ERO1A: variants seen among roughly 807,000 people sequenced by gnomAD.
The protein encoded by ERO1A is endoplasmic reticulum oxidoreductase 1 alpha.
ERO1A carries 49 observed loss-of-function variants against 76.9 expected under a neutral mutation model. The ratio of observed to expected loss-of-function variants is 0.64; its 90% CI spans 0.51 to 0.81. The LOEUF (loss-of-function observed/expected upper bound fraction) is 0.81. Ranked by LOEUF, ERO1A falls within the 30% of genes least tolerant of loss-of-function variation. ERO1A has a pLI of 0.00. For missense variants in ERO1A, 448 were observed against 542.1 expected (o/e 0.83, Z 1.72); for synonymous variants, 174 against 181.2 (o/e 0.96, Z 0.32).
intron 4 of ERO1A, chr14:52,678,222 C>G (rs989741989): frequency 5.5e-6 from 2 of 366,260 alleles, no homozygotes; most frequent in Admixed American, 8.6e-5. Flanking sequence ...CAAGATCACG[C>G]CACTGCTCCA....
At chr14:52,685,205 T>C (rs906757501) in intron 1 of ERO1A, among the ~76,000 whole-genome samples, 10 of 152,168 alleles carry the variant, frequency 6.6e-5, no homozygotes, top group Admixed American at 6.5e-4. Flanking sequence ...ATTTTTCACC[T>C]AAAAGAAATA....
At chr14:52,664,436 C>T (rs896165393) in intron 7 of ERO1A, among the ~76,000 whole-genome samples, 4 of 151,964 alleles carry the variant, frequency 2.6e-5, no homozygotes, top group South Asian at 4.2e-4. Flanking sequence ...AATAAATACG[C>T]GTTAGTATTA....
intron 1 of ERO1A, among the ~76,000 whole-genome samples, chr14:52,685,292 A>G (rs996037765): frequency 1.3e-5 from 2 of 152,162 alleles, no homozygotes; most frequent in Admixed American, 1.3e-4. Context: ...GTTTTGGACT[A>G]ATTCAGTTTC....
intron 13 of ERO1A, chr14:52,647,117 A>G (rs1250089191): frequency 4.9e-5 from 7 of 143,910 alleles, no homozygotes; most frequent in African/African-American, 2.0e-4. Context: ...CCGGGACTAC[A>G]GGCACCTGCC....
At chr14:52,655,757 G>A (rs1406506623) in intron 11 of ERO1A, among the ~76,000 whole-genome samples, 1 of 151,518 alleles carries the variant, frequency 6.6e-6, no homozygotes, top group Non-Finnish European at 1.5e-5. Flanking sequence ...TGAAGATCAT[G>A]GCAACTTTTA....
At chr14:52,683,955 CAG>C in intron 1 of ERO1A, 48 bp from the exon 2 acceptor site, 1 of 1,476,746 alleles carries the variant, frequency 6.8e-7, no homozygotes, top group Non-Finnish European at 9.1e-7. Context: ...CTAAATGCAA[CAG>C]GGTTCTTTTT....
intron 4 of ERO1A, 187 bp from the exon 5 acceptor site, chr14:52,672,058 ACTGTGGGAGCC>A: frequency 2.1e-6 from 1 of 473,482 alleles, no homozygotes; most frequent in Non-Finnish European, 3.7e-6. Context: ...TAATCCCGGC[ACTGTGGGAGCC>A]CGAGGCAGGT....
intron 11 of ERO1A, among the ~76,000 whole-genome samples, chr14:52,656,428 A>T (rs2139660090): frequency 6.6e-6 from 1 of 152,284 alleles, no homozygotes; most frequent in South Asian, 2.1e-4. Flanking sequence ...TAATGAGTTT[A>T]GGCCAGGTGC....
At position 52,641,405 on chromosome 14, in the gene ERO1A, T is replaced by C. The variant is rs2139602471; in HGVS notation, c.*2165A>G. ...TCACGAGGTCAGGAGATCAAGACCA[T>C]CCTGGCTAACACGGTGAAACACTGC... On this transcript the variant is annotated 3_prime_UTR_variant, in exon 16 of 16. Coordinates refer to ENST00000395686, the MANE Select transcript of ERO1A (RefSeq NM_014584.3). 7.3e-6 allele frequency: 1 copy of C among 136,962 alleles called. No homozygotes were observed. The highest frequency in any genetic ancestry group is 2.8e-5 in the African/African-American group (1 of 35,754). 8.5% of individuals were successfully genotyped at this position (136,962 alleles called of 1,614,324 possible). A position where few individuals can be genotyped will look rare whatever the true frequency, so the allele number is the denominator to read the frequency against.
chr14:52,648,631 T>C (rs2039751328), intron 13 of ERO1A, among the ~76,000 whole-genome samples: 1 of 151,894 alleles, frequency 6.6e-6, no homozygotes, highest in South Asian at 2.1e-4. Context: ...ATACTAAAAA[T>C]ACTCTGTCAT....
chr14:52,658,127 C>G lies in ERO1A; in HGVS notation c.712G>C (p.Glu238Gln). ...SEENTFYSWL[E>Q]GLCVEKRAFY... is the part of the protein sequence containing the mutation. ...TTATTTTAAAGTTTCTAATTACCTT[C>G]TAGCCAACTGTAAAAAGTGTTCTCT... The change falls in exon 10 of 16, where the codon GAA becomes CAA. Residue 238 changes from glutamate to glutamine, a missense_variant. Physicochemically the swap from Glu to Gln is conservative, Grantham distance 29 (BLOSUM62 2). Coordinates refer to ENST00000395686, the MANE Select transcript of ERO1A (RefSeq NM_014584.3). The G allele has an allele frequency of 1.3e-6, 2 of 1,509,744 alleles. No homozygotes were observed. Among genetic ancestry groups the G allele is most frequent in the Non-Finnish European group, 1.8e-6 (2 of 1,097,326 alleles). 93.5% of individuals were successfully genotyped at this position (1,509,744 alleles called of 1,614,324 possible).
chr14:52,639,921 A>G lies in ERO1A; in HGVS notation c.*3649T>C, dbSNP rs2039417073. 6.6e-6 allele frequency: 1 copy of G among 152,194 alleles called. No individual in the cohort carries two copies. The highest frequency in any genetic ancestry group is 2.1e-4 in the South Asian group (1 of 4,822). 9.4% of individuals were successfully genotyped at this position (152,194 alleles called of 1,614,324 possible). A position where few individuals can be genotyped will look rare whatever the true frequency, so the allele number is the denominator to read the frequency against. ...CCAAAAACCACACCAAATCTTGAAT[A>G]CAATTTCAGCTTTATTGACCCCCTA... On this transcript the variant is annotated 3_prime_UTR_variant, in exon 16 of 16. Transcript: ENST00000395686.
At chr14:52,671,406 C>T (rs538942895) in intron 6 of ERO1A, among the ~76,000 whole-genome samples, 27 of 151,954 alleles carry the variant, frequency 1.8e-4, no homozygotes, top group Admixed American at 1.5e-3. Context: ...ACCGCCAAAC[C>T]GTTAGAAACT....
chr14:52,683,359 T>C (rs1002304678), intron 2 of ERO1A, among the ~76,000 whole-genome samples: 30 of 152,320 alleles, frequency 2.0e-4, no homozygotes, highest in Admixed American at 1.3e-4. Context: ...AAATACTCCA[T>C]TGATCAGGTT....
chr14:52,668,001 T>C (rs114449760), intron 6 of ERO1A, among the ~76,000 whole-genome samples: 131 of 151,624 alleles, frequency 8.6e-4, no homozygotes, highest in African/African-American at 3.1e-3. Flanking sequence ...ATTCACAGTA[T>C]ATTAGAAGCA....
chr14:52,669,690 C>T (rs1041500280), intron 6 of ERO1A, among the ~76,000 whole-genome samples: 2 of 151,348 alleles, frequency 1.3e-5, no homozygotes, highest in Non-Finnish European at 2.9e-5. Flanking sequence ...CTAAATGAGC[C>T]TCTGCTAAAC....
intron 4 of ERO1A, among the ~76,000 whole-genome samples, chr14:52,675,269 G>A (rs2040744299): frequency 6.6e-6 from 1 of 152,026 alleles, no homozygotes; most frequent in African/African-American, 2.4e-5. Flanking sequence ...TGTAATCCCA[G>A]CTACTCGGGA....
chr14:52,673,185 G>A (rs570099146), intron 4 of ERO1A, among the ~76,000 whole-genome samples: 8 of 152,134 alleles, frequency 5.3e-5, no homozygotes, highest in African/African-American at 1.9e-4. Flanking sequence ...AACCTCCCAG[G>A]CTCAAGCAAT....
intron 2 of ERO1A, among the ~76,000 whole-genome samples, chr14:52,683,010 C>A (rs756720326): frequency 4.6e-5 from 7 of 152,036 alleles, no homozygotes; most frequent in Non-Finnish European, 7.4e-5. Context: ...GAGTTCAAGA[C>A]CAGCCTGGCC....
Sources: allele counts gnomAD v4.1 joint callset (sites outside exome capture counted in the v4.1 genomes callset), GRCh38; gene constraint gnomAD v4.1.1; transcripts MANE v1.5; gene names NCBI Gene and HGNC (gene_info 2026-07-23, HGNC 2026-07-21).